The following DTNA variants were observed in gnomAD, a reference collection of about 807,000 sequenced individuals.
The protein encoded by DTNA is dystrophin-related protein 3.
DTNA carries 43 observed loss-of-function variants against 100.7 expected under a neutral mutation model. The ratio of observed to expected loss-of-function variants is 0.43; its 90% confidence interval spans 0.33 to 0.55. DTNA has a LOEUF of 0.55. DTNA is among the 20% of genes least tolerant of loss of function. The pLI, the probability that DTNA is intolerant of heterozygous loss-of-function variation, is 0.04. For missense variants in DTNA, 798 were observed against 953.9 expected (o/e 0.84, Z 2.15); for synonymous variants, 349 against 347.9 (o/e 1.00, Z -0.04).
intron 1 of DTNA, among the ~76,000 whole-genome samples, chr18:34,511,472 A>T (rs1157388124): frequency 6.6e-6 from 1 of 152,110 alleles, no homozygotes; most frequent in Admixed American, 6.6e-5. Flanking sequence ...TGACTTAGTT[A>T]TTAGTAAAAA....
At chr18:34,699,660 T>G (rs2081100592) in intron 1 of DTNA, among the ~76,000 whole-genome samples, 1 of 152,188 alleles carries the variant, frequency 6.6e-6, no homozygotes, top group African/African-American at 2.4e-5. Context: ...AGTGATTGAC[T>G]TAAACCCTTC....
rs2095359215 is a variant in DTNA, at chr18:34,806,292, G to C, written c.436G>C (p.Asp146His). 6.2e-7 allele frequency: 1 copy of C among 1,613,664 alleles called. No individual in the cohort carries two copies. Among genetic ancestry groups the C allele is most frequent in the African/African-American group, 1.3e-5 (1 of 74,894 alleles). ...CACATTGTGTGGAGGGAAGATCATG[G>C]ACAAATTAAGATGTAAGTTATTATT... The part of the protein sequence containing the change: ...LATLCGGKIM[D>H]KLRYIFSMIS... Residue 146 changes from aspartate (D) to histidine (H), a missense_variant, in exon 5 of 23, where the codon GAC (aspartate) becomes CAC (histidine). By Grantham distance (81) the Asp-to-His change is moderately conservative. Coordinates refer to ENST00000444659, the MANE Select transcript of DTNA (RefSeq NM_001386795.1).
chr18:34,584,504 A>G (rs572892574), intron 1 of DTNA, among the ~76,000 whole-genome samples: 1 of 152,236 alleles, frequency 6.6e-6, no homozygotes, highest in South Asian at 2.1e-4. Context: ...GCGAAATAAT[A>G]TAATCAACAG....
At chr18:34,496,051 TTTAA>T (rs1343237245) in intron 1 of DTNA, among the ~76,000 whole-genome samples, 5 of 152,290 alleles carry the variant, frequency 3.3e-5, no homozygotes, top group African/African-American at 7.2e-5. Flanking sequence ...CATCTTTCAC[TTTAA>T]TTAAATTCAA....
chr18:34,500,106 G>A (rs1601140454), intron 1 of DTNA, among the ~76,000 whole-genome samples: 2 of 151,914 alleles, frequency 1.3e-5, no homozygotes, highest in Admixed American at 6.6e-5. Flanking sequence ...TAACAAAAAA[G>A]TCTTAATGGG....
At chr18:34,655,661 C>T (rs2074269125) in intron 1 of DTNA, among the ~76,000 whole-genome samples, 1 of 151,996 alleles carries the variant, frequency 6.6e-6, no homozygotes, top group African/African-American at 2.4e-5. Context: ...AAATTGTGTC[C>T]TCTTTTCTAT....
At chr18:34,842,618 G>A (rs571858743) in intron 13 of DTNA, among the ~76,000 whole-genome samples, 129 of 151,930 alleles carry the variant, frequency 8.5e-4, no homozygotes, top group Non-Finnish European at 1.3e-3. Flanking sequence ...TTCCTCCAAC[G>A]AACCAAGCTC....
At chr18:34,504,843 A>T (rs888770719) in intron 1 of DTNA, among the ~76,000 whole-genome samples, 3 of 152,130 alleles carry the variant, frequency 2.0e-5, no homozygotes, top group African/African-American at 7.2e-5. Context: ...ATTCAGATTT[A>T]CTCAGGTGTT....
chr18:34,794,410 A>C (rs2094883626), intron 4 of DTNA, among the ~76,000 whole-genome samples, 160 bp downstream of exon 4: 1 of 151,292 alleles, frequency 6.6e-6, no homozygotes, highest in Non-Finnish European at 1.5e-5. Flanking sequence ...CCATGTGTTT[A>C]ATATAAATTT....
At chr18:34,526,460 C>A (rs1435983792) in intron 1 of DTNA, among the ~76,000 whole-genome samples, 1 of 151,952 alleles carries the variant, frequency 6.6e-6, no homozygotes. Flanking sequence ...AATGATGGTA[C>A]CTCTATCAAG....
chr18:34,794,375 G>A (rs768625325), intron 4 of DTNA, 125 bp downstream of exon 4: 158 of 1,067,288 alleles, frequency 1.5e-4, no homozygotes, highest in Admixed American at 3.0e-4. Context: ...TTTTCTTACA[G>A]TGGATGCTTA....
chr18:34,740,408 T>C (rs758159835), intron 1 of DTNA, among the ~76,000 whole-genome samples: 1 of 152,176 alleles, frequency 6.6e-6, no homozygotes, highest in Non-Finnish European at 1.5e-5. Context: ...TTAGTCCTTT[T>C]GCTGTGTTCT....
intron 3 of DTNA, among the ~76,000 whole-genome samples, chr18:34,790,563 ATATATTTT>A: frequency 9.6e-6 from 1 of 104,698 alleles, no homozygotes; most frequent in East Asian, 2.8e-4. Context: ...ATATATATAT[ATATATTTT>A]TTTTTTTTTT....
intron 1 of DTNA, among the ~76,000 whole-genome samples, chr18:34,704,136 C>T (rs995491692): frequency 2.6e-5 from 4 of 152,150 alleles, no homozygotes; most frequent in South Asian, 2.1e-4. Flanking sequence ...TACATGACAT[C>T]GCATTTGCTT....
rs561603764 is a variant in DTNA at position 34,731,336 on chromosome 18, G to A, written c.-2+20891G>A. 1.9e-3 allele frequency among the ~76,000 whole-genome samples: 285 copies of A among 152,036 alleles called. 1 individual carries two copies. The highest frequency in any genetic ancestry group is 3.5e-3 in the Admixed American group (53 of 15,270). On this transcript the variant is annotated intron_variant, in intron 1 of 22. Coordinates refer to ENST00000444659, the MANE Select transcript of DTNA (RefSeq NM_001386795.1). ...CTATTAAAAATACAAAAAATTAGCC[G>A]GGCGCGGTGGCGGGCGCCTGTAGTC...
chr18:34,619,430 C>G (rs2056014549), intron 1 of DTNA, among the ~76,000 whole-genome samples: 1 of 152,024 alleles, frequency 6.6e-6, no homozygotes, highest in Admixed American at 6.6e-5. Flanking sequence ...AAGCAATATA[C>G]CACAAATTCC....
At chr18:34,806,333 T>G in intron 5 of DTNA, 29 bp downstream of exon 5, 1 of 1,595,814 alleles carries the variant, frequency 6.3e-7, no homozygotes. Context: ...TGTGTCTGTT[T>G]GCTTTTCCTT....
intron 1 of DTNA, among the ~76,000 whole-genome samples, chr18:34,621,910 C>T (rs1165327596): frequency 6.6e-6 from 1 of 152,024 alleles, no homozygotes; most frequent in East Asian, 1.9e-4. Flanking sequence ...CAAAACAACA[C>T]ATTGTACATA....
At chr18:34,590,532 A>C (rs1262715656) in intron 1 of DTNA, among the ~76,000 whole-genome samples, 1 of 152,198 alleles carries the variant, frequency 6.6e-6, no homozygotes, top group Non-Finnish European at 1.5e-5. Flanking sequence ...TGGATGTCTC[A>C]CAGATCAGCT....
Sources: allele counts gnomAD v4.1 joint callset (sites outside exome capture counted in the v4.1 genomes callset), GRCh38; gene constraint gnomAD v4.1.1; transcripts MANE v1.5; gene names NCBI Gene and HGNC (gene_info 2026-07-23, HGNC 2026-07-21).